PVT1: variants seen among roughly 807,000 people sequenced by gnomAD.
PVT1 encodes CXCR4/PVT1 fusion.
chr8:128,056,438 C>T (rs1000284374), intron 4 of PVT1, among the ~76,000 whole-genome samples: 14 of 152,126 alleles, frequency 9.2e-5, no homozygotes, highest in South Asian at 2.1e-4. Context: ...ATATTCATTG[C>T]GTGTATACAT....
intron 2 of PVT1, among the ~76,000 whole-genome samples, chr8:127,872,106 C>G (rs1229671513): frequency 6.7e-6 from 1 of 148,238 alleles, no homozygotes; most frequent in Non-Finnish European, 1.5e-5. Flanking sequence ...AAAACAAAAA[C>G]AAAAGAACCC....
At chr8:127,972,215 G>C (rs1440637002) in intron 3 of PVT1, among the ~76,000 whole-genome samples, 1 of 152,220 alleles carries the variant, frequency 6.6e-6, no homozygotes, top group Non-Finnish European at 1.5e-5. Context: ...CTGTCAGTGC[G>C]CCACCCATAT....
chr8:127,921,854 GTTTTT>G (rs71300279), intron 3 of PVT1, among the ~76,000 whole-genome samples: 2 of 71,920 alleles, frequency 2.8e-5, no homozygotes, highest in Non-Finnish European at 4.6e-5. Flanking sequence ...TTTGGTTCAT[GTTTTT>G]TTTTTTTTTT....
chr8:127,804,756 A>G (rs28522346), intron 2 of PVT1, among the ~76,000 whole-genome samples: 2,279 of 147,146 alleles, frequency 0.015, 50 homozygotes, highest in African/African-American at 0.053. Flanking sequence ...ACAGGGTTTC[A>G]CCATGTTGGC....
At chr8:127,829,572 T>A (rs73710032) in intron 2 of PVT1, among the ~76,000 whole-genome samples, 14,610 of 152,172 alleles carry the variant, frequency 0.096, 2,113 homozygotes, top group African/African-American at 0.32. Flanking sequence ...CTCAGCCCAA[T>A]GTAAAGAAAG....
At chr8:128,045,023 A>G (rs546396551) in intron 4 of PVT1, among the ~76,000 whole-genome samples, 1 of 152,348 alleles carries the variant, frequency 6.6e-6, no homozygotes, top group East Asian at 1.9e-4. Flanking sequence ...CACTCTGGCC[A>G]GTGGTTTGGG....
intron 4 of PVT1, among the ~76,000 whole-genome samples, chr8:128,062,638 G>T (rs1423960423): frequency 6.6e-6 from 1 of 152,130 alleles, no homozygotes; most frequent in East Asian, 1.9e-4. Flanking sequence ...ATATGTATTT[G>T]CTAGTAAAAA....
intron 3 of PVT1, among the ~76,000 whole-genome samples, chr8:127,934,452 C>T (rs1015119486): frequency 1.3e-5 from 2 of 152,130 alleles, no homozygotes; most frequent in African/African-American, 2.4e-5. Context: ...TGGGCTCTCT[C>T]GGGATGGGAG....
At position 127,809,897 on chromosome 8, in the gene PVT1, C is replaced by T. The variant is rs144682691; in HGVS notation, n.372+13826C>T. 8.8e-3 allele frequency among the ~76,000 whole-genome samples: 1,339 copies of T among 152,340 alleles called. 9 individuals are homozygous for T. The highest frequency in any genetic ancestry group is 0.015 in the Non-Finnish European group (997 of 68,030). The stretch of plus-strand genomic sequence containing the variant: ...GATTTTGAAGAGAGATATCTCCTAT[C>T]CATGTGGTACATTGCTTTTCACAAA... On this transcript the variant is annotated intron_variant and non_coding_transcript_variant, in intron 2 of 10. Transcript: ENST00000651587.
intron 3 of PVT1, among the ~76,000 whole-genome samples, chr8:127,943,559 A>G (rs1234357104): frequency 6.6e-6 from 1 of 152,176 alleles, no homozygotes; most frequent in Non-Finnish European, 1.5e-5. Context: ...GTTGCTCGGC[A>G]TCTCTGGCCT....
chr8:127,863,247 G>T (rs1027197488), intron 2 of PVT1, among the ~76,000 whole-genome samples: 6 of 152,038 alleles, frequency 3.9e-5, no homozygotes, highest in African/African-American at 7.2e-5. Context: ...GAGTTGCTGG[G>T]ATTACAGGTG....
intron 3 of PVT1, among the ~76,000 whole-genome samples, chr8:127,920,222 A>G (rs1001073787): frequency 6.6e-6 from 1 of 152,228 alleles, no homozygotes; most frequent in African/African-American, 2.4e-5. Context: ...AGACGTTGTA[A>G]ACATCTGTCA....
At chr8:127,848,635 A>G (rs1219153833) in intron 2 of PVT1, among the ~76,000 whole-genome samples, 1 of 152,052 alleles carries the variant, frequency 6.6e-6, no homozygotes, top group African/African-American at 2.4e-5. Flanking sequence ...GTGAGCTGAG[A>G]TCGCGCCATT....
At chr8:127,841,825 A>G (rs943397108) in intron 2 of PVT1, among the ~76,000 whole-genome samples, 1 of 151,656 alleles carries the variant, frequency 6.6e-6, no homozygotes, top group Non-Finnish European at 1.5e-5. Context: ...TCCCAGGTTC[A>G]AGTGATTCTC....
chr8:128,054,993 T>G (rs1813746510), intron 4 of PVT1, among the ~76,000 whole-genome samples: 1 of 152,198 alleles, frequency 6.6e-6, no homozygotes, highest in South Asian at 2.1e-4. Flanking sequence ...TGAGGTTCCC[T>G]AAGGAAGTAG....
intron 3 of PVT1, among the ~76,000 whole-genome samples, chr8:127,940,849 A>G (rs1425962945): frequency 6.6e-6 from 1 of 151,952 alleles, no homozygotes; most frequent in African/African-American, 2.4e-5. Flanking sequence ...CGATCCTCCC[A>G]CCTCGGCCTT....
At chr8:128,094,376 A>C (rs1014683621) in intron 5 of PVT1, among the ~76,000 whole-genome samples, 1 of 152,196 alleles carries the variant, frequency 6.6e-6, no homozygotes, top group East Asian at 1.9e-4. Flanking sequence ...AAATTATAGG[A>C]AATTCTATCA....
At chr8:128,041,681 GTGTT>G (rs1307437818) in intron 4 of PVT1, among the ~76,000 whole-genome samples, 5 of 151,438 alleles carry the variant, frequency 3.3e-5, no homozygotes, top group Non-Finnish European at 5.9e-5. Flanking sequence ...TTGTTCGTGT[GTGTT>G]TGTGTGTGTG....
chr8:127,875,027 G>A (rs997794080), intron 2 of PVT1, among the ~76,000 whole-genome samples: 3 of 152,140 alleles, frequency 2.0e-5, no homozygotes, highest in Non-Finnish European at 2.9e-5. Flanking sequence ...CCCCTTGGGT[G>A]CCTGTGTATT....
Sources: allele counts gnomAD v4.1 joint callset (sites outside exome capture counted in the v4.1 genomes callset), GRCh38; gene constraint gnomAD v4.1.1; transcripts MANE v1.5; gene names NCBI Gene and HGNC (gene_info 2026-07-23, HGNC 2026-07-21).